LRRC37A: variants seen among roughly 807,000 people sequenced by gnomAD.
The protein encoded by LRRC37A is leucine rich repeat containing 37A.
A neutral mutation model predicts 35.4 loss-of-function variants in LRRC37A; 3 were observed. The ratio of observed to expected loss-of-function variants is 0.08; its 90% confidence interval spans 0.04 to 0.22. The LOEUF (loss-of-function observed/expected upper bound fraction) is 0.22. LRRC37A is among the 10% of genes least tolerant of loss of function. LRRC37A has a pLI of 1.00. For missense variants in LRRC37A, 67 were observed against 565.3 expected (o/e 0.12, Z 8.94); for synonymous variants, 23 against 215.0 (o/e 0.11, Z 7.81).
At chr17:46,285,701 T>C in the LRRC37A span, among the ~76,000 whole-genome samples, 1 of 152,226 alleles carries the variant, frequency 6.6e-6, no homozygotes, top group Non-Finnish European at 1.5e-5. Flanking sequence ...TGTGGGGATA[T>C]GGTAAAGCTC....
the LRRC37A span, among the ~76,000 whole-genome samples, chr17:46,278,264 T>A: frequency 1.3e-5 from 2 of 152,214 alleles, no homozygotes; most frequent in South Asian, 4.1e-4. Context: ...TTTCTTATAC[T>A]GCTCTTTCTT....
the LRRC37A span, chr17:46,260,192 A>C: frequency 1.1e-5 from 16 of 1,515,626 alleles, no homozygotes; most frequent in South Asian, 5.9e-5. Flanking sequence ...GGCGGCAGGC[A>C]GTCAACGCTC....
At chr17:46,278,627 C>T in the LRRC37A span, among the ~76,000 whole-genome samples, 1 of 152,018 alleles carries the variant, frequency 6.6e-6, no homozygotes, top group East Asian at 1.9e-4. Flanking sequence ...TGGTCTCAAA[C>T]TCCTGACCTC....
At chr17:46,276,249 C>T in the LRRC37A span, among the ~76,000 whole-genome samples, 2 of 152,218 alleles carry the variant, frequency 1.3e-5, no homozygotes, top group African/African-American at 4.8e-5. Context: ...AGTCAAAGGA[C>T]TTTATATTGC....
the LRRC37A span, chr17:46,275,191 A>G: frequency 3.1e-6 from 1 of 318,506 alleles, no homozygotes; most frequent in East Asian, 1.3e-4. Flanking sequence ...CGCACCTGGC[A>G]ACTTTGCTTT....
upstream of LRRC37A, among the ~76,000 whole-genome samples, chr17:46,290,535 C>T (rs1227415965): frequency 6.6e-6 from 1 of 152,226 alleles, no homozygotes; most frequent in Non-Finnish European, 1.5e-5. Flanking sequence ...CAACCTCCGC[C>T]TTCTGGGTTC....
the LRRC37A span, among the ~76,000 whole-genome samples, chr17:46,268,143 G>A: frequency 3.3e-5 from 5 of 152,184 alleles, no homozygotes; most frequent in East Asian, 9.7e-4. Context: ...CTGTAATGTG[G>A]GCTGGTTACG....
At chr17:46,279,319 G>C in the LRRC37A span, among the ~76,000 whole-genome samples, 1 of 151,514 alleles carries the variant, frequency 6.6e-6, no homozygotes, top group Non-Finnish European at 1.5e-5. Flanking sequence ...AAGTAGCGAG[G>C]ATTACAGGTG....
At chr17:46,266,460 G>A in the LRRC37A span, among the ~76,000 whole-genome samples, 3 of 152,208 alleles carry the variant, frequency 2.0e-5, no homozygotes, top group East Asian at 3.9e-4. Context: ...AAATCCCTGC[G>A]GCTCGGTTTT....
the LRRC37A span, among the ~76,000 whole-genome samples, chr17:46,275,667 A>C: frequency 6.6e-6 from 1 of 152,226 alleles, no homozygotes. Flanking sequence ...ATATTTGTCT[A>C]ATAAAGATTA....
chr17:46,248,356 T>C, the LRRC37A span, among the ~76,000 whole-genome samples: 4 of 152,130 alleles, frequency 2.6e-5, no homozygotes, highest in Non-Finnish European at 1.5e-5. Flanking sequence ...AGCATTTCTG[T>C]CGCCTCAAAA....
At chr17:46,277,653 C>CTTTCTTTCTTTTT in the LRRC37A span, among the ~76,000 whole-genome samples, 3 of 137,858 alleles carry the variant, frequency 2.2e-5, no homozygotes, top group Non-Finnish European at 3.3e-5. Context: ...TTCTTTCTTT[C>CTTTCTTTCTTTTT]TTTTTTTTTT....
At chr17:46,271,896 G>A in the LRRC37A span, among the ~76,000 whole-genome samples, 3 of 152,138 alleles carry the variant, frequency 2.0e-5, no homozygotes, top group African/African-American at 4.8e-5. Flanking sequence ...TGAGTAGCTG[G>A]GACTACAGGT....
At chr17:46,288,508 G>A (rs1278423767), upstream of LRRC37A, among the ~76,000 whole-genome samples, 6 of 151,924 alleles carry the variant, frequency 3.9e-5, no homozygotes, top group Admixed American at 2.6e-4. Context: ...ACGTTGGCCA[G>A]GCTGGTCTCA....
the LRRC37A span, among the ~76,000 whole-genome samples, chr17:46,262,056 T>C: frequency 6.6e-6 from 1 of 152,160 alleles, no homozygotes; most frequent in African/African-American, 2.4e-5. Context: ...TTTAAGCAAT[T>C]CTCCTGTCTC....
At chr17:46,259,718 G>A in the LRRC37A span, 389 of 1,588,172 alleles carry the variant, frequency 2.4e-4, 1 homozygote, top group South Asian at 4.7e-4. Context: ...AAGGGCACCG[G>A]ATGCCCAGGA....
At chr17:46,280,870 C>T in the LRRC37A span, among the ~76,000 whole-genome samples, 1 of 152,206 alleles carries the variant, frequency 6.6e-6, no homozygotes, top group African/African-American at 2.4e-5. Context: ...CATTTCGTGT[C>T]TGGCCAATAG....
chr17:46,264,440 C>T, the LRRC37A span, among the ~76,000 whole-genome samples: 1 of 152,194 alleles, frequency 6.6e-6, no homozygotes, highest in African/African-American at 2.4e-5. Context: ...TGTGAGAAAC[C>T]AATACTGTTA....
the LRRC37A span, among the ~76,000 whole-genome samples, chr17:46,254,069 TG>T: frequency 6.6e-6 from 1 of 152,178 alleles, no homozygotes; most frequent in Non-Finnish European, 1.5e-5. Flanking sequence ...AGGACCAGAC[TG>T]GGGTGTAAGG....
Sources: gnomAD v4.1 joint callset for allele counts (sites outside exome capture counted in the v4.1 genomes callset) on GRCh38, gnomAD v4.1.1 for gene constraint, MANE v1.5 for transcripts, NCBI Gene and HGNC (gene_info 2026-07-23, HGNC 2026-07-21) for gene names.